Variants in VKORC1L1 observed in about 807,000 individuals in gnomAD.
VKORC1L1 encodes the protein vitamin K epoxide reductase complex subunit 1L1, also known as vitamin K epoxide reductase complex subunit 1-like protein 1.
Under a neutral mutation model 18.9 loss-of-function variants are expected in VKORC1L1, and 2 were observed. That is an observed-to-expected ratio of 0.11 (90% CI 0.04 to 0.33). The LOEUF (loss-of-function observed/expected upper bound fraction) is 0.33. Ranked by LOEUF, VKORC1L1 falls within the 10% of genes least tolerant of loss-of-function variation. The probability of loss-of-function intolerance (pLI) is 1.00; values close to 1 mark genes in which losing one functional copy is unlikely to be tolerated. For missense variants in VKORC1L1, 123 were observed against 224.1 expected (o/e 0.55, Z 2.88); for synonymous variants, 96 against 100.0 (o/e 0.96, Z 0.24).
In VKORC1L1 at chr7:65,909,690, T is replaced by TGTGTGTGTGTGTGTGTGTGTG. The variant is rs1789468369; in HGVS notation, c.194+36125_194+36126insGTGTGTGTGTGTGTGTGTGTG. ...AAGCTTCTAACTTTTGTTTTAGCCT[T>TGTGTGTGTGTGTGTGTGTGTG]TGTGTGTGTGTGTGTGTGTGTGTGT... On this transcript the variant is annotated intron_variant, in intron 1 of 2. Transcript: ENST00000360768. Among the ~76,000 whole-genome samples, 26 of 123,756 alleles carry TGTGTGTGTGTGTGTGTGTGTG rather than the reference T, an allele frequency of 2.1e-4. 1 individual carries two copies. Among genetic ancestry groups the TGTGTGTGTGTGTGTGTGTGTG allele is most frequent in the African/African-American group, 8.2e-4 (26 of 31,654 alleles). 81.2% of individuals were successfully genotyped at this position (123,756 alleles called of 152,430 possible).
chr7:65,882,038 C>CCACTG (rs1189683126), intron 1 of VKORC1L1, among the ~76,000 whole-genome samples: 1 of 151,456 alleles, frequency 6.6e-6, no homozygotes, highest in Non-Finnish European at 1.5e-5. Context: ...TGAGATCATG[C>CCACTG]CACTGCACTC....
chr7:65,902,618 T>C (rs116857947), intron 1 of VKORC1L1, among the ~76,000 whole-genome samples: 3,882 of 152,140 alleles, frequency 0.026, 83 homozygotes, highest in Middle Eastern at 0.075. Flanking sequence ...AATTCTCAAA[T>C]TTGATGAAAA....
At chr7:65,933,910 T>C (rs1433638114) in intron 1 of VKORC1L1, among the ~76,000 whole-genome samples, 1 of 152,220 alleles carries the variant, frequency 6.6e-6, no homozygotes, top group Non-Finnish European at 1.5e-5. Flanking sequence ...TTAAGGAGAA[T>C]ATAGAAATCT....
At chr7:65,890,816 G>T (rs1445066566) in intron 1 of VKORC1L1, among the ~76,000 whole-genome samples, 1 of 152,144 alleles carries the variant, frequency 6.6e-6, no homozygotes, top group Non-Finnish European at 1.5e-5. Context: ...ATGGGTTTTT[G>T]TGTGTAACTG....
At chr7:65,909,324 A>G (rs562378733) in intron 1 of VKORC1L1, among the ~76,000 whole-genome samples, 1 of 151,812 alleles carries the variant, frequency 6.6e-6, no homozygotes, top group East Asian at 2.0e-4. Flanking sequence ...AAGCTTTGCT[A>G]TGTTTTGATT....
At chr7:65,880,984 A>G (rs1200534801) in intron 1 of VKORC1L1, among the ~76,000 whole-genome samples, 5 of 152,154 alleles carry the variant, frequency 3.3e-5, no homozygotes, top group Non-Finnish European at 5.9e-5. Context: ...TGTCATTGGC[A>G]CTCAAAGTTT....
chr7:65,882,825 C>T (rs905056350), intron 1 of VKORC1L1, among the ~76,000 whole-genome samples: 21 of 152,108 alleles, frequency 1.4e-4, no homozygotes, highest in Admixed American at 1.0e-3. Context: ...AAAATGTTTA[C>T]GACTACCAAG....
At chr7:65,866,893 GA>G in the VKORC1L1 span, among the ~76,000 whole-genome samples, 1 of 151,914 alleles carries the variant, frequency 6.6e-6, no homozygotes, top group Non-Finnish European at 1.5e-5. Flanking sequence ...AGAGGAGGAA[GA>G]AAAAATAGAA....
intron 1 of VKORC1L1, among the ~76,000 whole-genome samples, chr7:65,937,747 A>G (rs1330247382): frequency 6.6e-6 from 1 of 152,188 alleles, no homozygotes; most frequent in Non-Finnish European, 1.5e-5. Context: ...GGTCTTACAA[A>G]TGAATAGACG....
chr7:65,940,467 A>G (rs1790016446), intron 1 of VKORC1L1, among the ~76,000 whole-genome samples: 1 of 152,232 alleles, frequency 6.6e-6, no homozygotes, highest in Non-Finnish European at 1.5e-5. Flanking sequence ...GGATTGTGCC[A>G]CCAAGTAAAG....
intron 1 of VKORC1L1, among the ~76,000 whole-genome samples, chr7:65,895,515 A>G (rs1789192593): frequency 8.5e-6 from 1 of 117,300 alleles, no homozygotes; most frequent in Non-Finnish European, 1.9e-5. Flanking sequence ...ATATATATAT[A>G]TACACACACA....
chr7:65,895,516 T>TATATATATAC (rs370356956), intron 1 of VKORC1L1, among the ~76,000 whole-genome samples: 49 of 71,552 alleles, frequency 6.8e-4, no homozygotes, highest in South Asian at 1.8e-3. Flanking sequence ...TATATATATA[T>TATATATATAC]ACACACACAC....
chr7:65,947,152 A>G (rs1790133448), intron 1 of VKORC1L1, among the ~76,000 whole-genome samples: 1 of 152,064 alleles, frequency 6.6e-6, no homozygotes, highest in Non-Finnish European at 1.5e-5. Flanking sequence ...ACAAAACAAA[A>G]CAAAACAAAC....
chr7:65,886,018 G>A lies in VKORC1L1; in HGVS notation c.194+12453G>A, dbSNP rs35952694. On this transcript the variant is annotated intron_variant, in intron 1 of 2. Transcript: ENST00000360768. ...GCATATCGTATCTGTTTATTCTGGAGTTGCCTCTCTGATAATGGTTTTAAC... is the reference window on the plus strand; with the variant it reads ...GCATATCGTATCTGTTTATTCTGGAATTGCCTCTCTGATAATGGTTTTAAC... Among the ~76,000 whole-genome samples the A allele has an allele frequency of 3.3e-5, 5 of 152,296 alleles. No homozygotes were observed. In the South Asian group the frequency reaches 8.3e-4, roughly 25 times the overall value.
At chr7:65,887,119 G>C (rs192682907) in intron 1 of VKORC1L1, among the ~76,000 whole-genome samples, 2 of 152,142 alleles carry the variant, frequency 1.3e-5, no homozygotes, top group East Asian at 3.9e-4. Flanking sequence ...AAAGTGCTGG[G>C]ATTACAGGCA....
chr7:65,931,358 G>A (rs2115664913), intron 1 of VKORC1L1, among the ~76,000 whole-genome samples: 1 of 152,194 alleles, frequency 6.6e-6, no homozygotes, highest in African/African-American at 2.4e-5. Flanking sequence ...GAAACCATCT[G>A]GACCTGCAGT....
chr7:65,873,835 GGCGGAC>G (rs1788776236), intron 1 of VKORC1L1, among the ~76,000 whole-genome samples: 1 of 152,024 alleles, frequency 6.6e-6, no homozygotes, highest in South Asian at 2.1e-4. Flanking sequence ...GGGAGGCCGG[GGCGGAC>G]GCGGAGCGGT....
intron 1 of VKORC1L1, among the ~76,000 whole-genome samples, chr7:65,915,093 C>CTT (rs35662337): frequency 5.7e-5 from 7 of 123,576 alleles, no homozygotes; most frequent in African/African-American, 8.8e-5. Flanking sequence ...TTTTTTTTTT[C>CTT]TTTTTTTTTT....
At chr7:65,897,639 T>A (rs1204546591) in intron 1 of VKORC1L1, among the ~76,000 whole-genome samples, 1 of 151,344 alleles carries the variant, frequency 6.6e-6, no homozygotes, top group Admixed American at 6.6e-5. Context: ...CAGGGTAGTA[T>A]TACTCTTGCG....
Sources: gnomAD v4.1 joint callset for allele counts (sites outside exome capture counted in the v4.1 genomes callset) on GRCh38, gnomAD v4.1.1 for gene constraint, MANE v1.5 for transcripts, NCBI Gene and HGNC (gene_info 2026-07-23, HGNC 2026-07-21) for gene names.